The following DAPK2 variants were observed in gnomAD, a reference collection of about 807,000 sequenced individuals.
DAPK2 encodes death-associated protein kinase 2.
A neutral mutation model predicts 44.1 loss-of-function variants in DAPK2; 35 were observed. That is an observed-to-expected ratio of 0.79 (90% confidence interval 0.61 to 1.05). DAPK2 has a LOEUF of 1.05. Among genes scored for constraint, DAPK2 ranks in the 50% least tolerant of loss-of-function variants. The probability of loss-of-function intolerance (pLI) is 0.00; values close to 1 mark genes in which losing one functional copy is unlikely to be tolerated. For missense variants in DAPK2, 453 were observed against 483.2 expected (o/e 0.94, Z 0.59); for synonymous variants, 174 against 182.6 (o/e 0.95, Z 0.38).
At position 63,930,470 on chromosome 15, in the gene DAPK2, A is replaced by G; in HGVS notation, c.584-15T>C. 6.2e-7 allele frequency: 1 copy of G among 1,613,680 alleles called. No homozygotes were observed. The highest frequency in any genetic ancestry group is 8.5e-7 in the Non-Finnish European group (1 of 1,179,558). On this transcript the variant is annotated splice_polypyrimidine_tract_variant and intron_variant, in intron 4 of 10. Transcript: ENST00000261891. ...AATTTCTGGAGCTGAAAGAAGTCAT[A>G]TTAAATAGTCAACATGAGTGTGAAA...
At chr15:63,963,156 C>T (rs1567235517) in intron 3 of DAPK2, among the ~76,000 whole-genome samples, 1 of 152,178 alleles carries the variant, frequency 6.6e-6, no homozygotes, top group African/African-American at 2.4e-5. Context: ...GAGCCAGGCA[C>T]GGGATACAAT....
chr15:63,947,356 G>A (rs1425797763), intron 3 of DAPK2, among the ~76,000 whole-genome samples: 1 of 152,168 alleles, frequency 6.6e-6, no homozygotes, highest in Admixed American at 6.5e-5. Flanking sequence ...AAGGACAAGG[G>A]CCTTGCCTTT....
Position 63,923,069 on chromosome 15 carries a change from T to C in DAPK2, c.858+1747A>G, listed in dbSNP as rs1469795076. 1 of 1,535,824 alleles carries C rather than the reference T, an allele frequency of 6.5e-7. No homozygotes were observed. Among genetic ancestry groups the C allele is most frequent in the Admixed American group, 2.0e-5 (1 of 50,976 alleles). On this transcript the variant is annotated intron_variant, in intron 8 of 10. Coordinates refer to ENST00000261891, the Ensembl canonical transcript of DAPK2. The surrounding 1 kb of genome is among the most constrained non-coding windows in gnomAD (Gnocchi z 4.2). ...GGACAGGTCATGCCGGGCGCTCTCATTCTCCTCTCGGTACCAAGCTTCCTT... is the reference window on the plus strand; with the variant it reads ...GGACAGGTCATGCCGGGCGCTCTCACTCTCCTCTCGGTACCAAGCTTCCTT...
chr15:63,971,003 G>A (rs2078196795), intron 3 of DAPK2, among the ~76,000 whole-genome samples: 2 of 152,196 alleles, frequency 1.3e-5, no homozygotes, highest in African/African-American at 4.8e-5. Flanking sequence ...AGGGATGATG[G>A]AGGCTGCACT....
chr15:63,927,574 G>A (rs1007983731), intron 6 of DAPK2, among the ~76,000 whole-genome samples: 3 of 152,180 alleles, frequency 2.0e-5, no homozygotes, highest in Admixed American at 1.3e-4. Context: ...TGAGTTAGGT[G>A]TATGGTGTGT....
At chr15:64,041,699 G>A (rs1349420511), upstream of DAPK2, among the ~76,000 whole-genome samples, 2 of 152,252 alleles carry the variant, frequency 1.3e-5, no homozygotes, top group East Asian at 1.9e-4. Context: ...ACCAGGCTGG[G>A]TGGAGGCACC....
chr15:63,930,502 G>C, intron 4 of DAPK2, 47 bp from the exon 6 acceptor site: 2 of 1,587,534 alleles, frequency 1.3e-6, no homozygotes, highest in Non-Finnish European at 1.7e-6. Flanking sequence ...GAAAATGAGA[G>C]GAGAGATGGT....
intron 3 of DAPK2, among the ~76,000 whole-genome samples, chr15:63,963,187 A>G (rs989043547): frequency 1.3e-5 from 2 of 152,194 alleles, no homozygotes. Flanking sequence ...GCCGTTTGCT[A>G]AGGCCATTGG....
intron 3 of DAPK2, among the ~76,000 whole-genome samples, chr15:63,960,665 G>C (rs965742881): frequency 8.5e-5 from 13 of 152,246 alleles, no homozygotes; most frequent in South Asian, 4.1e-4. Flanking sequence ...GTGGTTTTGA[G>C]TGAGTTTCTT....
intron 4 of DAPK2, 115 bp from the exon 6 acceptor site, chr15:63,930,570 A>C (rs1422710799): frequency 1.0e-6 from 1 of 965,298 alleles, no homozygotes; most frequent in Non-Finnish European, 1.6e-6. Flanking sequence ...CTCCAGGAAA[A>C]TTAGAGCAGC....
At chr15:64,019,052 C>A (rs932662098) in intron 1 of DAPK2, among the ~76,000 whole-genome samples, 3 of 152,128 alleles carry the variant, frequency 2.0e-5, no homozygotes, top group Admixed American at 1.3e-4. Context: ...TGGTGCTTAA[C>A]CAGTGGTAAT....
intron 6 of DAPK2, among the ~76,000 whole-genome samples, chr15:63,928,897 C>T (rs571801914): frequency 1.2e-3 from 181 of 152,232 alleles, no homozygotes; most frequent in African/African-American, 4.1e-3. Context: ...CTTCACAGGG[C>T]TGTCCCAAGA....
At position 63,990,062 on chromosome 15, in the gene DAPK2, T is replaced by C. The variant is rs1005615020; in HGVS notation, c.93-6308A>G. 1.3e-4 allele frequency among the ~76,000 whole-genome samples: 20 copies of C among 152,194 alleles called. No individual in the cohort carries two copies. The highest frequency in any genetic ancestry group is 4.8e-4 in the African/African-American group (20 of 41,444). ...CTGCATCAAGGTAGACCACTCGCAC[T>C]GCCACCCACCCTCACCCTCTGTGGT... On this transcript the variant is annotated intron_variant, in intron 1 of 10. Transcript: ENST00000261891. This position sits in a 1 kb window ranked among gnomAD's most constrained non-coding sequence, Gnocchi z 4.3.
chr15:63,937,278 T>C (rs1264312518), intron 4 of DAPK2, among the ~76,000 whole-genome samples: 3 of 152,336 alleles, frequency 2.0e-5, no homozygotes, highest in Admixed American at 6.5e-5. Flanking sequence ...GTATATGTCT[T>C]TCCAACTCTG....
chr15:64,009,362 C>G (rs1294258288), intron 1 of DAPK2, among the ~76,000 whole-genome samples: 2 of 152,118 alleles, frequency 1.3e-5, no homozygotes, highest in East Asian at 3.9e-4. Context: ...ACCCCACATT[C>G]CCCAGTATAT....
chr15:63,923,047 C>G lies in DAPK2; in HGVS notation c.858+1769G>C, dbSNP rs1370719229. On this transcript the variant is annotated intron_variant, in intron 8 of 10. Transcript: ENST00000261891. The surrounding 1 kb of genome is among the most constrained non-coding windows in gnomAD (Gnocchi z 4.2). ...TGCGGAACTCATACCTGAGCTGGGA[C>G]AGGTCATGCCGGGCGCTCTCATTCT... 2 of 1,535,854 alleles carry G rather than the reference C, an allele frequency of 1.3e-6. No homozygotes were observed. The highest frequency in any genetic ancestry group is 2.4e-5 in the East Asian group (1 of 40,910).
chr15:63,938,022 C>G (rs1440092911), intron 4 of DAPK2, among the ~76,000 whole-genome samples: 4 of 152,088 alleles, frequency 2.6e-5, no homozygotes, highest in Non-Finnish European at 5.9e-5. Context: ...GACAAATAAC[C>G]TGAGTTTACC....
chr15:64,013,173 G>A lies in DAPK2; in HGVS notation c.92+26997C>T, dbSNP rs1208218031. 6.6e-6 allele frequency among the ~76,000 whole-genome samples: 1 copy of A among 152,196 alleles called. No individual in the cohort carries two copies. Among genetic ancestry groups the A allele is most frequent in the Non-Finnish European group, 1.5e-5 (1 of 68,036 alleles). ...AGCCGACTCATTTCACGGTGCATGT[G>A]CACAAAGCAGTCACAATAACATTTT... On this transcript the variant is annotated intron_variant, in intron 1 of 10. Coordinates refer to ENST00000261891, the Ensembl canonical transcript of DAPK2. This position sits in a 1 kb window ranked among gnomAD's most constrained non-coding sequence, Gnocchi z 4.7.
intron 3 of DAPK2, 114 bp downstream of exon 4, chr15:63,971,309 G>A: frequency 7.7e-7 from 1 of 1,303,796 alleles, no homozygotes; most frequent in African/African-American, 1.5e-5. Context: ...GTTTTTCACT[G>A]TAAGATGAGA....
Sources: allele counts gnomAD v4.1 joint callset (sites outside exome capture counted in the v4.1 genomes callset), GRCh38; gene constraint gnomAD v4.1.1; non-coding constraint Gnocchi (gnomAD v3.1); transcripts MANE v1.5; gene names NCBI Gene and HGNC (gene_info 2026-07-23, HGNC 2026-07-21).